The following KIAA0232 variants were observed in gnomAD, a reference collection of about 807,000 sequenced individuals.
KIAA0232 encodes KIAA0232.
KIAA0232 carries 27 observed loss-of-function variants against 122.0 expected under a neutral mutation model. The observed-to-expected ratio is 0.22, with a 90% confidence interval of 0.16 to 0.31. The LOEUF is 0.31. Ranked by LOEUF, KIAA0232 falls within the 10% of genes least tolerant of loss-of-function variation. The pLI, the probability that KIAA0232 is intolerant of heterozygous loss-of-function variation, is 1.00. For missense variants in KIAA0232, 1,551 were observed against 1,634.2 expected, an observed-to-expected ratio of 0.95 and a Z score of 0.88; for synonymous variants, 613 against 587.6, an observed-to-expected ratio of 1.04 and a Z score of -0.63.
At chr4:6,844,449 C>G (rs1335774988) in intron 4 of KIAA0232, among the ~76,000 whole-genome samples, 1 of 150,130 alleles carries the variant, frequency 6.7e-6, no homozygotes, top group African/African-American at 2.5e-5. Flanking sequence ...TTTCTTTTTT[C>G]TTTTTTTGAG....
chr4:6,818,029 T>C (rs1718217717), intron 2 of KIAA0232, among the ~76,000 whole-genome samples: 2 of 152,142 alleles, frequency 1.3e-5, no homozygotes, highest in South Asian at 4.2e-4. Context: ...TTTTCTCCTT[T>C]TACTTTTAAC....
At chr4:6,864,254 T>G in intron 7 of KIAA0232, 71 bp downstream of exon 7, 3 of 1,460,998 alleles carry the variant, frequency 2.1e-6, no homozygotes, top group Non-Finnish European at 2.8e-6. Flanking sequence ...GACATGCCAG[T>G]CAATGAAAGA....
At chr4:6,785,583 T>G (rs189416439) in intron 1 of KIAA0232, among the ~76,000 whole-genome samples, 1 of 152,228 alleles carries the variant, frequency 6.6e-6, no homozygotes, top group African/African-American at 2.4e-5. Context: ...AACCTCAGAT[T>G]ACTTGCTTTG....
chr4:6,824,236 C>G lies in KIAA0232; in HGVS notation c.-218C>G, dbSNP rs1718562634. On this transcript the variant is annotated 5_prime_UTR_variant, in exon 3 of 10. The change creates a new upstream start codon in the 5' untranslated region. Transcript: ENST00000307659. ...TCAATGTGAAATTAAAGTAGAAAATCACATCTACATGCATGTTGCTATCAG... is the reference window on the plus strand; with the variant it reads ...TCAATGTGAAATTAAAGTAGAAAATGACATCTACATGCATGTTGCTATCAG... 1 of 558,390 alleles carries G rather than the reference C, an allele frequency of 1.8e-6. No individual in the cohort carries two copies. 34.6% of individuals were successfully genotyped at this position (558,390 alleles called of 1,614,324 possible).
At chr4:6,878,195 C>T (rs985816076) in intron 9 of KIAA0232, among the ~76,000 whole-genome samples, 8 of 151,990 alleles carry the variant, frequency 5.3e-5, no homozygotes, top group African/African-American at 1.4e-4. Flanking sequence ...GCCAACATGG[C>T]GAAACCCCAT....
At position 6,866,127 on chromosome 4, in the gene KIAA0232, G is replaced by C. The variant is rs949286082; in HGVS notation, c.3801+1944G>C. ...TAATATTGTTAGCCTTTATCTGTTT[G>C]TTTATTGCCCCATTTTTCATCCTTA... On this transcript the variant is annotated intron_variant, in intron 7 of 9. Transcript: ENST00000307659. 3.2e-5 allele frequency: 18 copies of C among 562,258 alleles called. No individual in the cohort carries two copies. In the African/African-American group the frequency reaches 3.7e-4, roughly 11 times the overall value. 34.8% of individuals were successfully genotyped at this position (562,258 alleles called of 1,614,324 possible).
chr4:6,855,931 G>A lies in KIAA0232; in HGVS notation c.370-1233G>A. 1.2e-6 allele frequency: 1 copy of A among 853,276 alleles called. No homozygotes were observed. The highest frequency in any genetic ancestry group is 1.4e-6 in the Non-Finnish European group (1 of 709,440). The allele number at this position is 853,276 out of a possible 1,614,324, so 52.9% of individuals were successfully genotyped here. The stretch of plus-strand genomic sequence containing the variant: ...GGTGCTTTCTGGTGCAACTGTTTGT[G>A]GTTGAACAGTGTTTATGACTAATAT... On this transcript the variant is annotated intron_variant, in intron 4 of 9. Coordinates refer to ENST00000307659, the MANE Select transcript of KIAA0232 (RefSeq NM_014743.3). This position sits in a 1 kb window ranked among gnomAD's most constrained non-coding sequence, Gnocchi z 4.3.
intron 9 of KIAA0232, among the ~76,000 whole-genome samples, chr4:6,877,339 C>T (rs2108850464): frequency 6.6e-6 from 1 of 152,364 alleles, no homozygotes; most frequent in East Asian, 1.9e-4. Flanking sequence ...GGAGCGGGGC[C>T]TCCGCCTGGT....
At chr4:6,826,205 C>G (rs1488008381) in intron 3 of KIAA0232, among the ~76,000 whole-genome samples, 2 of 152,216 alleles carry the variant, frequency 1.3e-5, no homozygotes, top group Admixed American at 6.5e-5. Context: ...CGGCATTTTT[C>G]TTGCTTCCAG....
chr4:6,842,585 A>ATTT (rs758473629), intron 4 of KIAA0232, among the ~76,000 whole-genome samples: 85 of 133,304 alleles, frequency 6.4e-4, no homozygotes, highest in African/African-American at 2.3e-3. Flanking sequence ...CTTGCTCTTG[A>ATTT]TTTTTTTTTT....
intron 4 of KIAA0232, among the ~76,000 whole-genome samples, chr4:6,843,540 G>A (rs557731750): frequency 3.3e-5 from 5 of 152,188 alleles, no homozygotes; most frequent in South Asian, 4.1e-4. Context: ...AGGCCAAGGC[G>A]GGCAGATCAC....
Position 6,806,467 on chromosome 4 carries a change from G to C in KIAA0232, c.-270+1861G>C, listed in dbSNP as rs555386389. Among the ~76,000 whole-genome samples, 76 of 152,190 alleles carry C rather than the reference G, an allele frequency of 5.0e-4. 1 individual carries two copies. In the Middle Eastern group the frequency reaches 0.01, roughly 20 times the overall value. ...CAAAACAATAAGAGGCCTGGCGGTGGCTCATGCCTGTAATCCCAGCACTTT... is the reference window on the plus strand; with the variant it reads ...CAAAACAATAAGAGGCCTGGCGGTGCCTCATGCCTGTAATCCCAGCACTTT... On this transcript the variant is annotated intron_variant, in intron 2 of 9. Transcript: ENST00000307659.
At chr4:6,792,692 TTTG>T (rs1395133368) in intron 1 of KIAA0232, among the ~76,000 whole-genome samples, 8 of 123,424 alleles carry the variant, frequency 6.5e-5, no homozygotes, top group African/African-American at 2.0e-4. Flanking sequence ...TTTTTTTTTT[TTTG>T]TTTTTTTTTT....
At chr4:6,848,684 C>G (rs1720105837) in intron 4 of KIAA0232, among the ~76,000 whole-genome samples, 1 of 152,218 alleles carries the variant, frequency 6.6e-6, no homozygotes, top group Admixed American at 6.5e-5. Context: ...TATACTGTGT[C>G]TTGACACATG....
chr4:6,881,859 GCAGTAAAGGCCACCTCATCAC>G lies in KIAA0232; in HGVS notation c.*895_*915del. On this transcript the variant is annotated 3_prime_UTR_variant, in exon 10 of 10. Coordinates refer to ENST00000307659, the MANE Select transcript of KIAA0232 (RefSeq NM_014743.3). Reference sequence around the variant, plus strand: ...ACTTGAAATTGTGAACATTTGACATGCAGTAAAGGCCACCTCATCACCCAGAGAAATCTTTGGCTGCTGCAG... The same window carrying G: ...ACTTGAAATTGTGAACATTTGACATGCCAGAGAAATCTTTGGCTGCTGCAG... The G allele has an allele frequency of 6.5e-6, 1 of 152,676 alleles. No homozygotes were observed. Among genetic ancestry groups the G allele is most frequent in the South Asian group, 2.1e-4 (1 of 4,834 alleles). 9.5% of individuals were successfully genotyped at this position (152,676 alleles called of 1,614,324 possible).
intron 8 of KIAA0232, among the ~76,000 whole-genome samples, chr4:6,875,869 G>A (rs900756899): frequency 1.3e-4 from 20 of 152,172 alleles, no homozygotes; most frequent in African/African-American, 4.8e-4. Context: ...TCTGGATGAA[G>A]ACCAGCAGTT....
At chr4:6,869,393 G>C (rs1239872434) in intron 7 of KIAA0232, among the ~76,000 whole-genome samples, 1 of 152,172 alleles carries the variant, frequency 6.6e-6, no homozygotes, top group Non-Finnish European at 1.5e-5. Flanking sequence ...CACCTTCCTT[G>C]CTCCCCCTGA....
At position 6,883,317 on chromosome 4, in the gene KIAA0232, T is replaced by A. The variant is rs778216010; in HGVS notation, c.*2351T>A. On this transcript the variant is annotated 3_prime_UTR_variant, in exon 10 of 10. Coordinates refer to ENST00000307659, the MANE Select transcript of KIAA0232 (RefSeq NM_014743.3). Reference sequence around the variant, plus strand: ...TCACGTACACCAGAGTAACTGATTTTTTTTTGTTTGTTTTCTTGTGGAGTT... The same window carrying A: ...TCACGTACACCAGAGTAACTGATTTATTTTTGTTTGTTTTCTTGTGGAGTT... 2 of 152,658 alleles carry A rather than the reference T, an allele frequency of 1.3e-5. No individual in the cohort carries two copies. The highest frequency in any genetic ancestry group is 2.4e-5 in the African/African-American group (1 of 41,460). The allele number at this position is 152,658 out of a possible 1,614,324, so 9.5% of individuals were successfully genotyped here. A position where few individuals can be genotyped will look rare whatever the true frequency, so the allele number is the denominator to read the frequency against.
intron 3 of KIAA0232, among the ~76,000 whole-genome samples, chr4:6,836,683 G>T (rs1038323019): frequency 6.6e-6 from 1 of 151,922 alleles, no homozygotes; most frequent in Non-Finnish European, 1.5e-5. Context: ...TTCCTAGGCA[G>T]AGGGCCCTGC....
Sources: allele counts gnomAD v4.1 joint callset (sites outside exome capture counted in the v4.1 genomes callset), GRCh38; gene constraint gnomAD v4.1.1; non-coding constraint Gnocchi (gnomAD v3.1); transcripts MANE v1.5; gene names NCBI Gene and HGNC (gene_info 2026-07-23, HGNC 2026-07-21).